Variants in CCSER1 observed in about 807,000 individuals in gnomAD.
The protein encoded by CCSER1 is coiled-coil serine rich protein 1.
CCSER1 carries 41 observed loss-of-function variants against 82.0 expected under a neutral mutation model. The observed-to-expected ratio is 0.50, with a 90% CI of 0.39 to 0.65. The LOEUF is 0.65. CCSER1 is among the 30% of genes least tolerant of loss of function. The pLI is 0.00. For missense variants in CCSER1, 1,119 were observed against 1,064.2 expected, an observed-to-expected ratio of 1.05 and a Z score of -0.72; for synonymous variants, 414 against 383.9, an observed-to-expected ratio of 1.08 and a Z score of -0.92.
intron 10 of CCSER1, among the ~76,000 whole-genome samples, chr4:91,149,853 C>A (rs1316047659): frequency 2.6e-5 from 4 of 152,132 alleles, no homozygotes; most frequent in Non-Finnish European, 1.5e-5. Context: ...TGTTTTGGTA[C>A]CAGTACCATG....
At chr4:91,094,240 G>C (rs185659443) in intron 10 of CCSER1, among the ~76,000 whole-genome samples, 3 of 152,270 alleles carry the variant, frequency 2.0e-5, no homozygotes, top group African/African-American at 7.2e-5. Context: ...AGATGGTGGG[G>C]TAATTTTTAA....
chr4:91,127,865 A>G (rs1727648594), intron 10 of CCSER1, among the ~76,000 whole-genome samples: 1 of 152,048 alleles, frequency 6.6e-6, no homozygotes. Flanking sequence ...ATATGGATGC[A>G]TCTCAAATGG....
At chr4:91,582,815 C>A (rs1055888508) in intron 10 of CCSER1, among the ~76,000 whole-genome samples, 1 of 151,424 alleles carries the variant, frequency 6.6e-6, no homozygotes, top group Non-Finnish European at 1.5e-5. Context: ...GTCTTAGGAA[C>A]ATATGACATG....
chr4:91,085,211 A>C (rs1581517454), intron 9 of CCSER1, among the ~76,000 whole-genome samples: 1 of 152,022 alleles, frequency 6.6e-6, no homozygotes, highest in Non-Finnish European at 1.5e-5. Context: ...TTTTCATCAA[A>C]AATAGATAAA....
chr4:90,454,559 C>T (rs993003611), intron 4 of CCSER1, among the ~76,000 whole-genome samples: 4 of 152,104 alleles, frequency 2.6e-5, no homozygotes, highest in African/African-American at 9.7e-5. Flanking sequence ...CCAGTATGCA[C>T]ACCTGAGAGT....
chr4:90,696,598 G>T (rs1464757043), intron 6 of CCSER1, among the ~76,000 whole-genome samples: 1 of 152,052 alleles, frequency 6.6e-6, no homozygotes, highest in Non-Finnish European at 1.5e-5. Flanking sequence ...TCTGAAGTTC[G>T]CTTACCATCA....
chr4:90,232,345 C>G (rs1041405043), intron 1 of CCSER1, among the ~76,000 whole-genome samples: 3 of 151,598 alleles, frequency 2.0e-5, no homozygotes, highest in African/African-American at 7.3e-5. Context: ...TGATCTTTGA[C>G]AAACCTGACA....
At chr4:91,506,139 GT>G (rs1430985961) in intron 10 of CCSER1, among the ~76,000 whole-genome samples, 1 of 152,090 alleles carries the variant, frequency 6.6e-6, no homozygotes, top group African/African-American at 2.4e-5. Context: ...TCCAGTTTCA[GT>G]TTTCTGCATA....
At chr4:91,330,223 A>G (rs572020879) in intron 10 of CCSER1, among the ~76,000 whole-genome samples, 32 of 152,314 alleles carry the variant, frequency 2.1e-4, no homozygotes, top group Non-Finnish European at 7.4e-5. Flanking sequence ...TCAGAAATAC[A>G]TTTAATTTTT....
At chr4:91,047,607 C>T (rs1742625581) in intron 9 of CCSER1, among the ~76,000 whole-genome samples, 1 of 152,080 alleles carries the variant, frequency 6.6e-6, no homozygotes, top group Non-Finnish European at 1.5e-5. Context: ...TACTGCTGCT[C>T]CTTTATAATT....
At chr4:90,848,187 G>A (rs2149911307) in intron 8 of CCSER1, among the ~76,000 whole-genome samples, 1 of 152,300 alleles carries the variant, frequency 6.6e-6, no homozygotes, top group East Asian at 1.9e-4. Context: ...CAGAAGATGA[G>A]TGCATAGTAG....
At chr4:90,991,871 C>T (rs1235720679) in intron 9 of CCSER1, among the ~76,000 whole-genome samples, 1 of 151,926 alleles carries the variant, frequency 6.6e-6, no homozygotes, top group Non-Finnish European at 1.5e-5. Context: ...ACTTATTTAC[C>T]ACCTACTTAC....
At chr4:91,368,736 C>T (rs1455501066) in intron 10 of CCSER1, among the ~76,000 whole-genome samples, 1 of 152,042 alleles carries the variant, frequency 6.6e-6, no homozygotes, top group Non-Finnish European at 1.5e-5. Context: ...GTCTTTTATA[C>T]TGGAAAAAAT....
At chr4:90,860,850 G>A (rs971434175) in intron 8 of CCSER1, among the ~76,000 whole-genome samples, 3 of 151,604 alleles carry the variant, frequency 2.0e-5, no homozygotes, top group African/African-American at 7.2e-5. Context: ...GCTTGTCAGG[G>A]AATGGAGGAG....
At chr4:90,663,929 T>A in intron 6 of CCSER1, 1 of 297,776 alleles carries the variant, frequency 3.4e-6, no homozygotes, top group African/African-American at 2.2e-5. Flanking sequence ...AGCTAATGCT[T>A]AAGAATGTAA....
intron 5 of CCSER1, among the ~76,000 whole-genome samples, chr4:90,555,003 C>T (rs1777942377): frequency 6.6e-6 from 1 of 151,930 alleles, no homozygotes; most frequent in Non-Finnish European, 1.5e-5. Flanking sequence ...TTTTATATTC[C>T]CTTCTTTATT....
chr4:91,081,300 A>C (rs946623050), intron 9 of CCSER1, among the ~76,000 whole-genome samples: 4 of 152,214 alleles, frequency 2.6e-5, no homozygotes, highest in Non-Finnish European at 5.9e-5. Flanking sequence ...AGAACCAAAG[A>C]CAAAAACCAC....
intron 5 of CCSER1, among the ~76,000 whole-genome samples, chr4:90,470,983 A>T (rs1764325746): frequency 1.3e-5 from 2 of 152,060 alleles, no homozygotes; most frequent in Non-Finnish European, 2.9e-5. Flanking sequence ...TATTGGTGAT[A>T]TTGATAAAAG....
chr4:90,539,258 A>C (rs1448492679), intron 5 of CCSER1, among the ~76,000 whole-genome samples: 1 of 152,108 alleles, frequency 6.6e-6, no homozygotes, highest in Non-Finnish European at 1.5e-5. Context: ...TACAAAACTA[A>C]CAAATGAGTG....
Sources: gnomAD v4.1 joint callset for allele counts (sites outside exome capture counted in the v4.1 genomes callset) on GRCh38, gnomAD v4.1.1 for gene constraint, MANE v1.5 for transcripts, NCBI Gene and HGNC (gene_info 2026-07-23, HGNC 2026-07-21) for gene names.